Variants in RIMS2 observed in about 807,000 individuals in gnomAD.
RIMS2 encodes regulating synaptic membrane exocytosis 2, also known as regulating synaptic membrane exocytosis protein 2.
RIMS2 carries 59 observed loss-of-function variants against 174.4 expected under a neutral mutation model. The observed-to-expected ratio is 0.34, with a 90% CI of 0.27 to 0.42. The LOEUF (loss-of-function observed/expected upper bound fraction) is 0.42. RIMS2 is among the 10% of genes least tolerant of loss of function. RIMS2 has a pLI of 1.00. For missense variants in RIMS2, 1,620 were observed against 1,666.3 expected (o/e 0.97, Z 0.48); for synonymous variants, 606 against 572.5 (o/e 1.06, Z -0.84).
At chr8:104,011,388 A>C (rs567454752) in intron 17 of RIMS2, among the ~76,000 whole-genome samples, 3 of 152,208 alleles carry the variant, frequency 2.0e-5, no homozygotes, top group East Asian at 3.9e-4. Context: ...TTACGGAGAA[A>C]AATATATAAG....
chr8:104,132,332 T>G (rs1021835585), intron 19 of RIMS2, among the ~76,000 whole-genome samples: 3 of 152,182 alleles, frequency 2.0e-5, no homozygotes, highest in African/African-American at 4.8e-5. Flanking sequence ...ATCTATTTCA[T>G]TAAGTTTACA....
intron 14 of RIMS2, 50 bp from the exon 17 acceptor site, chr8:103,961,015 C>A: frequency 1.1e-6 from 1 of 951,598 alleles, no homozygotes; most frequent in Non-Finnish European, 1.7e-6. Flanking sequence ...GAGGAATTTT[C>A]TTCCTTAGAG....
chr8:103,950,399 C>T (rs1300227143), intron 14 of RIMS2, among the ~76,000 whole-genome samples: 1 of 151,894 alleles, frequency 6.6e-6, no homozygotes, highest in Non-Finnish European at 1.5e-5. Flanking sequence ...AATAAAAATA[C>T]AGAAAATTGA....
At chr8:103,964,247 G>A (rs2091117660) in intron 15 of RIMS2, among the ~76,000 whole-genome samples, 1 of 152,156 alleles carries the variant, frequency 6.6e-6, no homozygotes, top group African/African-American at 2.4e-5. Context: ...GTTCCAAAAC[G>A]TCTGTACCAT....
intron 19 of RIMS2, among the ~76,000 whole-genome samples, chr8:104,183,609 G>A (rs1242915637): frequency 6.6e-6 from 1 of 151,440 alleles, no homozygotes; most frequent in Admixed American, 6.6e-5. Context: ...ACTTTTTTTA[G>A]AGAGAAAAAT....
At chr8:104,188,109 G>C (rs148529867) in intron 19 of RIMS2, among the ~76,000 whole-genome samples, 6 of 151,564 alleles carry the variant, frequency 4.0e-5, no homozygotes, top group Non-Finnish European at 8.9e-5. Context: ...TTGTTCAATA[G>C]GACAATACTT....
At chr8:104,051,567 C>G (rs1263622113) in intron 19 of RIMS2, among the ~76,000 whole-genome samples, 1 of 151,464 alleles carries the variant, frequency 6.6e-6, no homozygotes, top group Admixed American at 6.6e-5. Flanking sequence ...AAAAAATGGA[C>G]AGAGGAGAAA....
chr8:103,993,675 C>T (rs1335948156), intron 17 of RIMS2, among the ~76,000 whole-genome samples: 1 of 152,030 alleles, frequency 6.6e-6, no homozygotes, highest in Non-Finnish European at 1.5e-5. Context: ...CATTTTAAGA[C>T]AGTTAAATCA....
chr8:104,114,919 T>C (rs2098255791), intron 19 of RIMS2, among the ~76,000 whole-genome samples: 1 of 152,072 alleles, frequency 6.6e-6, no homozygotes, highest in Admixed American at 6.5e-5. Context: ...ATTGCAAATA[T>C]TTAACTCTAA....
At chr8:103,748,500 G>A (rs138008418) in intron 2 of RIMS2, among the ~76,000 whole-genome samples, 33 of 152,070 alleles carry the variant, frequency 2.2e-4, no homozygotes, top group Admixed American at 1.0e-3. Flanking sequence ...CTGAAAAACA[G>A]GTGAATGAAG....
intron 19 of RIMS2, among the ~76,000 whole-genome samples, chr8:104,134,049 T>A (rs10092959): frequency 0.53 from 80,386 of 151,936 alleles, 23,164 homozygotes; most frequent in East Asian, 0.92. Context: ...ACAAATAATC[T>A]TTAATATATG....
chr8:104,144,673 T>A (rs1409826639), intron 19 of RIMS2, among the ~76,000 whole-genome samples: 1 of 152,138 alleles, frequency 6.6e-6, no homozygotes. Context: ...TTTGGCTACA[T>A]ACATTTATAT....
intron 4 of RIMS2, among the ~76,000 whole-genome samples, chr8:103,888,366 A>T (rs1015382732): frequency 6.6e-6 from 1 of 151,112 alleles, no homozygotes; most frequent in Non-Finnish European, 1.5e-5. Flanking sequence ...GATCTTAATT[A>T]TTTTTTTTAT....
At chr8:104,056,453 G>A (rs1201398481) in intron 19 of RIMS2, among the ~76,000 whole-genome samples, 1 of 152,002 alleles carries the variant, frequency 6.6e-6, no homozygotes, top group African/African-American at 2.4e-5. Context: ...AGAGTATCTG[G>A]TACAAAACTA....
intron 19 of RIMS2, among the ~76,000 whole-genome samples, chr8:104,159,740 T>C (rs143353365): frequency 5.3e-5 from 8 of 152,334 alleles, no homozygotes; most frequent in African/African-American, 1.9e-4. Context: ...GAACACTGTT[T>C]ATTGGAGACC....
intron 19 of RIMS2, among the ~76,000 whole-genome samples, chr8:104,109,616 G>A (rs142312593): frequency 5.9e-5 from 9 of 152,162 alleles, no homozygotes; most frequent in South Asian, 2.1e-4. Context: ...GAAAGGAATC[G>A]GAAAGAGGAA....
intron 1 of RIMS2, among the ~76,000 whole-genome samples, chr8:103,686,156 T>C (rs2096937903): frequency 6.6e-6 from 1 of 152,134 alleles, no homozygotes; most frequent in Admixed American, 6.6e-5. Flanking sequence ...ACACGTGTAA[T>C]TGTTTTTTGT....
At chr8:104,062,028 GT>G (rs768956019) in intron 19 of RIMS2, among the ~76,000 whole-genome samples, 27 of 152,094 alleles carry the variant, frequency 1.8e-4, no homozygotes, top group East Asian at 1.2e-3. Flanking sequence ...TCATTTTTAA[GT>G]TTTTTTCATA....
intron 2 of RIMS2, among the ~76,000 whole-genome samples, chr8:103,745,596 A>T (rs1161941248): frequency 2.0e-5 from 3 of 152,196 alleles, no homozygotes; most frequent in Non-Finnish European, 4.4e-5. Flanking sequence ...AATGTACAAG[A>T]GTTACACTAT....
Sources: allele counts gnomAD v4.1 joint callset (sites outside exome capture counted in the v4.1 genomes callset), GRCh38; gene constraint gnomAD v4.1.1; transcripts MANE v1.5; gene names NCBI Gene and HGNC (gene_info 2026-07-23, HGNC 2026-07-21).